The following ABL1 variants were observed in gnomAD, a reference collection of about 807,000 sequenced individuals.
The protein encoded by ABL1 is tyrosine-protein kinase ABL1.
Under a neutral mutation model 94.7 loss-of-function variants are expected in ABL1, and 11 were observed. That is an observed-to-expected ratio of 0.12 (90% CI 0.07 to 0.19). The LOEUF is 0.19. Ranked by LOEUF, ABL1 falls within the 10% of genes least tolerant of loss-of-function variation. ABL1 has a pLI of 1.00. For missense variants in ABL1, 1,082 were observed against 1,489.4 expected, an observed-to-expected ratio of 0.73 and a Z score of 4.50; for synonymous variants, 656 against 622.4, an observed-to-expected ratio of 1.05 and a Z score of -0.80.
Position 130,835,906 on chromosome 9 carries a change from T to G in ABL1, c.79+381T>G, listed in dbSNP as rs1830573757. 6.6e-6 allele frequency among the ~76,000 whole-genome samples: 1 copy of G among 152,200 alleles called. No individual in the cohort carries two copies. Among genetic ancestry groups the G allele is most frequent in the Non-Finnish European group, 1.5e-5 (1 of 68,044 alleles). ...ACAGTGCGGGCTCCCCCGAAAAAGT[T>G]TGAGAAAGCCAACTCGCCAGGCCTT... On this transcript the variant is annotated intron_variant, in intron 1 of 10. Transcript: ENST00000318560. This position sits in a 1 kb window ranked among gnomAD's most constrained non-coding sequence, Gnocchi z 4.6.
chr9:130,769,097 C>T (rs1832220433), intron 1 of ABL1, among the ~76,000 whole-genome samples: 1 of 152,054 alleles, frequency 6.6e-6, no homozygotes. Context: ...ATACATCTGT[C>T]ATTGGCACAG....
intron 1 of ABL1, among the ~76,000 whole-genome samples, chr9:130,746,425 ACTTT>A (rs1317971853): frequency 6.6e-6 from 1 of 151,494 alleles, no homozygotes; most frequent in African/African-American, 2.4e-5. Flanking sequence ...AATCCCAATA[ACTTT>A]CTTCGTGCTA....
chr9:130,735,961 A>ATTTTTTTTTTTT (rs141181174), intron 1 of ABL1, among the ~76,000 whole-genome samples: 5 of 94,880 alleles, frequency 5.3e-5, no homozygotes, highest in East Asian at 4.1e-4. Context: ...ATATATATAT[A>ATTTTTTTTTTTT]TTTTTTTTTT....
chr9:130,735,961 A>ATATATATATATATATATATATTT (rs573602038), intron 1 of ABL1, among the ~76,000 whole-genome samples: 2 of 94,884 alleles, frequency 2.1e-5, no homozygotes, highest in African/African-American at 1.3e-4. Context: ...ATATATATAT[A>ATATATATATATATATATATATTT]TTTTTTTTTT....
chr9:130,885,249 T>C lies in ABL1; in HGVS notation c.2959T>C (p.Ser987Pro). 22 of 1,613,822 alleles carry C rather than the reference T, an allele frequency of 1.4e-5. No homozygotes were observed. The highest frequency in any genetic ancestry group is 1.8e-5 in the Non-Finnish European group (21 of 1,180,012). Residue 987 changes from serine to proline, a missense_variant, in exon 11 of 11, where the codon TCA becomes CCA. Around this residue, in one of 7 missense-constraint regions of ABL1, gnomAD observed 780 missense variants for 835.8 expected, o/e 0.93. Transcript: ENST00000318560. ...AGCCCCCGTTCCCTCCACGTTGCCA[T>C]CAGCATCCTCGGCCCTGGCAGGGGA... ...SPAPVPSTLP[S>P]ASSALAGDQP...
chr9:130,749,594 TA>T (rs1184307603), intron 1 of ABL1, among the ~76,000 whole-genome samples: 1 of 152,164 alleles, frequency 6.6e-6, no homozygotes, highest in Admixed American at 6.6e-5. Context: ...TCCTGACACT[TA>T]AAGCCACGTG....
intron 7 of ABL1, 53 bp from the exon 8 acceptor site, chr9:130,878,362 G>A: frequency 6.3e-7 from 1 of 1,598,374 alleles, no homozygotes; most frequent in Non-Finnish European, 8.6e-7. Context: ...TAAATGTAGT[G>A]TAGTGAAATG....
At chr9:130,771,755 T>TCTTTCTTTCTTTCTTTC (rs1554762488) in intron 1 of ABL1, among the ~76,000 whole-genome samples, 42 of 120,726 alleles carry the variant, frequency 3.5e-4, no homozygotes, top group South Asian at 2.9e-3. Flanking sequence ...TTTCTTTCTT[T>TCTTTCTTTCTTTCTTTC]TTTTTTTTTT....
intron 1 of ABL1, among the ~76,000 whole-genome samples, chr9:130,779,276 GTAGT>G (rs35108418): frequency 0.024 from 3,654 of 152,284 alleles, 60 homozygotes; most frequent in Admixed American, 0.037. Flanking sequence ...GAGTCAAATG[GTAGT>G]TAGGGCAACG....
At chr9:130,781,471 G>A (rs759723281) in intron 1 of ABL1, among the ~76,000 whole-genome samples, 2 of 152,156 alleles carry the variant, frequency 1.3e-5, no homozygotes, top group Non-Finnish European at 1.5e-5. Flanking sequence ...GTTGACATGC[G>A]TTTGGATTTT....
intron 3 of ABL1, among the ~76,000 whole-genome samples, chr9:130,859,961 G>T (rs973164179): frequency 6.6e-6 from 1 of 152,126 alleles, no homozygotes; most frequent in Non-Finnish European, 1.5e-5. Flanking sequence ...TTACAGGCGT[G>T]AGCCACTGCT....
At chr9:130,844,651 AT>A (rs1830733023) in intron 1 of ABL1, among the ~76,000 whole-genome samples, 1 of 152,172 alleles carries the variant, frequency 6.6e-6, no homozygotes, top group African/African-American at 2.4e-5. Context: ...AGATATAAAA[AT>A]TAGCTGGGCA....
intron 1 of ABL1, among the ~76,000 whole-genome samples, chr9:130,767,489 C>T (rs1180086173): frequency 2.0e-5 from 3 of 152,154 alleles, no homozygotes; most frequent in Admixed American, 6.5e-5. Flanking sequence ...CCTGCCACCA[C>T]GTCTGGCTAA....
chr9:130,725,425 G>A (rs538447520), intron 1 of ABL1, among the ~76,000 whole-genome samples: 1 of 152,264 alleles, frequency 6.6e-6, no homozygotes, highest in South Asian at 2.1e-4. Context: ...TTGTTGCCCA[G>A]GCTGGAGTGC....
At chr9:130,805,058 C>T (rs1830107081) in intron 1 of ABL1, among the ~76,000 whole-genome samples, 1 of 152,098 alleles carries the variant, frequency 6.6e-6, no homozygotes, top group Non-Finnish European at 1.5e-5. Flanking sequence ...TTGTTTATAA[C>T]AACATTTTCT....
At chr9:130,828,179 C>T (rs1031941282) in intron 1 of ABL1, among the ~76,000 whole-genome samples, 6 of 152,220 alleles carry the variant, frequency 3.9e-5, no homozygotes, top group Non-Finnish European at 8.8e-5. Context: ...CAACCTGCCT[C>T]AGCCCCCCAA....
At chr9:130,846,235 T>A in intron 1 of ABL1, among the ~76,000 whole-genome samples, 1 of 152,184 alleles carries the variant, frequency 6.6e-6, no homozygotes, top group East Asian at 1.9e-4. Context: ...AAATAATACT[T>A]TTCCTCTAAG....
chr9:130,789,622 T>C (rs1006138033), intron 1 of ABL1, among the ~76,000 whole-genome samples: 2 of 152,114 alleles, frequency 1.3e-5, no homozygotes, highest in African/African-American at 2.4e-5. Context: ...ATTGGAAATA[T>C]TGAATATAGA....
intron 1 of ABL1, among the ~76,000 whole-genome samples, chr9:130,809,384 GAGAGA>G (rs1830172905): frequency 1.7e-5 from 1 of 60,216 alleles, no homozygotes; most frequent in Admixed American, 1.6e-4. Context: ...AGGTTCTTGA[GAGAGA>G]GAGAGAGAGA....
Sources: allele counts gnomAD v4.1 joint callset (sites outside exome capture counted in the v4.1 genomes callset), GRCh38; gene constraint gnomAD v4.1.1; regional missense constraint gnomAD v4.1.1; non-coding constraint Gnocchi (gnomAD v3.1); transcripts MANE v1.5; gene names NCBI Gene and HGNC (gene_info 2026-07-23, HGNC 2026-07-21).